Variants in ZNF385D observed in about 807,000 individuals in gnomAD.
ZNF385D encodes zinc finger protein 659.
ZNF385D carries 15 observed loss-of-function variants against 35.8 expected under a neutral mutation model. The ratio of observed to expected loss-of-function variants is 0.42; its 90% confidence interval spans 0.28 to 0.64. The LOEUF (loss-of-function observed/expected upper bound fraction) is 0.64, where lower values mean the gene tolerates loss of function less well. ZNF385D is among the 30% of genes least tolerant of loss of function. The probability of loss-of-function intolerance (pLI) is 0.23; values close to 1 mark genes in which losing one functional copy is unlikely to be tolerated. For missense variants in ZNF385D, 474 were observed against 494.6 expected (o/e 0.96, Z 0.39); for synonymous variants, 212 against 186.8 (o/e 1.13, Z -1.10).
At position 21,489,037 on chromosome 3, in the gene ZNF385D, C is replaced by T. The variant is rs548911812; in HGVS notation, c.439+21824G>A. Among the ~76,000 whole-genome samples, 12 of 152,094 alleles carry T rather than the reference C, an allele frequency of 7.9e-5. No homozygotes were observed. The East Asian group carries it at 2.3e-3, about 29-fold the overall frequency. On this transcript the variant is annotated intron_variant, in intron 4 of 7. Coordinates refer to ENST00000281523, the MANE Select transcript of ZNF385D (RefSeq NM_024697.3). ...TGATGAAAGCTCACTGGTTAACAGC[C>T]GAAGAATGCCATTTAATGCTCTCTT... is the stretch of plus-strand genomic sequence containing the variant.
intron 3 of ZNF385D, among the ~76,000 whole-genome samples, chr3:21,849,020 G>A (rs1696200456): frequency 6.6e-6 from 1 of 152,016 alleles, no homozygotes; most frequent in Non-Finnish European, 1.5e-5. Flanking sequence ...TATCAACAGT[G>A]TAAGCACTAC....
intron 1 of ZNF385D, among the ~76,000 whole-genome samples, chr3:21,684,390 CT>C (rs1292750996): frequency 2.3e-5 from 2 of 86,910 alleles, no homozygotes; most frequent in African/African-American, 1.1e-4. Context: ...CTCTCTCTCT[CT>C]CTCTCTCTCT....
intron 3 of ZNF385D, among the ~76,000 whole-genome samples, chr3:22,139,582 A>G (rs1704368561): frequency 6.9e-6 from 1 of 144,040 alleles, no homozygotes; most frequent in Admixed American, 7.0e-5. Context: ...ACATGGACAC[A>G]GGAAGGGGAA....
intron 3 of ZNF385D, among the ~76,000 whole-genome samples, chr3:21,825,240 G>C (rs1366595035): frequency 6.6e-6 from 1 of 152,158 alleles, no homozygotes; most frequent in Admixed American, 6.5e-5. Flanking sequence ...AGGGACTTGA[G>C]ATCCAGGTGA....
At chr3:22,035,588 TGTCATAATG>T (rs1698263117) in intron 3 of ZNF385D, among the ~76,000 whole-genome samples, 1 of 152,176 alleles carries the variant, frequency 6.6e-6, no homozygotes, top group Non-Finnish European at 1.5e-5. Context: ...TTTGATGAAT[TGTCATAATG>T]GTAGAAATGT....
rs565446759 is a variant in ZNF385D, at chr3:22,222,007, C to T, written c.107-52972G>A. Among the ~76,000 whole-genome samples the T allele has an allele frequency of 9.2e-5, 14 of 151,896 alleles. No homozygotes were observed. In the East Asian group the frequency reaches 1.9e-3, roughly 21 times the overall value. On this transcript the variant is annotated intron_variant, in intron 2 of 5. Coordinates refer to the ZNF385D transcript ENST00000494108. ...CCGATTTTTTTTTTTAAGACAGTCTCATTCCATCGTCCAGGCTGGAGTGCA... is the reference window on the plus strand; with the variant it reads ...CCGATTTTTTTTTTTAAGACAGTCTTATTCCATCGTCCAGGCTGGAGTGCA...
intron 3 of ZNF385D, among the ~76,000 whole-genome samples, chr3:22,007,679 G>C (rs1363173246): frequency 6.6e-6 from 1 of 152,120 alleles, no homozygotes; most frequent in African/African-American, 2.4e-5. Context: ...TTGCTAATCT[G>C]ATAAGTGAGA....
In ZNF385D at chr3:21,922,596, T is replaced by G. The variant is rs78411225; in HGVS notation, c.325+246221A>C. 5.0e-3 allele frequency among the ~76,000 whole-genome samples: 760 copies of G among 152,280 alleles called. 4 individuals carry two copies. Among genetic ancestry groups the G allele is most frequent in the Middle Eastern group, 0.017 (5 of 294 alleles). ...GGCTAGCTAGTCATAGGCAGAAGAA[T>G]AAAACTGGACCCCTTCCTTTTACCA... On this transcript the variant is annotated intron_variant, in intron 3 of 5. Coordinates refer to the ZNF385D transcript ENST00000494108.
intron 4 of ZNF385D, among the ~76,000 whole-genome samples, chr3:21,502,665 C>T (rs1295159812): frequency 6.6e-6 from 1 of 152,102 alleles, no homozygotes; most frequent in East Asian, 1.9e-4. Context: ...ATCCTAGAAC[C>T]ACAATATTCA....
At chr3:21,702,482 C>A (rs542503014) in intron 1 of ZNF385D, among the ~76,000 whole-genome samples, 1 of 152,334 alleles carries the variant, frequency 6.6e-6, no homozygotes, top group South Asian at 2.1e-4. Context: ...GTGAAGGTCT[C>A]TGACATGGCC....
chr3:21,714,099 G>A (rs938904645), intron 1 of ZNF385D, among the ~76,000 whole-genome samples: 4 of 152,090 alleles, frequency 2.6e-5, no homozygotes, highest in African/African-American at 9.7e-5. Flanking sequence ...ATTTAAATCT[G>A]TGCCTACTCC....
chr3:22,172,303 A>G (rs949134649), intron 2 of ZNF385D, among the ~76,000 whole-genome samples: 1 of 152,240 alleles, frequency 6.6e-6, no homozygotes, highest in Non-Finnish European at 1.5e-5. Context: ...TTAATTTTCT[A>G]GATGTGGATA....
At chr3:21,683,571 C>T (rs1313637414) in intron 1 of ZNF385D, among the ~76,000 whole-genome samples, 5 of 149,194 alleles carry the variant, frequency 3.4e-5, no homozygotes, top group East Asian at 2.0e-4. Context: ...GAGCCGAGAT[C>T]GCACCACTGC....
At chr3:21,700,523 T>G (rs1256270346) in intron 1 of ZNF385D, among the ~76,000 whole-genome samples, 3 of 152,158 alleles carry the variant, frequency 2.0e-5, no homozygotes, top group Non-Finnish European at 4.4e-5. Context: ...TAACCCATCT[T>G]TAGGGATTAC....
chr3:22,034,778 A>G (rs1698210327), intron 3 of ZNF385D, among the ~76,000 whole-genome samples: 2 of 152,166 alleles, frequency 1.3e-5, no homozygotes. Flanking sequence ...ATCATTAGGC[A>G]TGGTAGAACA....
At chr3:21,809,205 T>C (rs547133328) in intron 3 of ZNF385D, among the ~76,000 whole-genome samples, 4 of 152,180 alleles carry the variant, frequency 2.6e-5, no homozygotes, top group South Asian at 4.1e-4. Context: ...TGCTCCAGCA[T>C]GCAATAATAA....
chr3:22,345,385 A>G (rs1240063797), intron 2 of ZNF385D, among the ~76,000 whole-genome samples: 1 of 152,216 alleles, frequency 6.6e-6, no homozygotes, highest in Admixed American at 6.5e-5. Flanking sequence ...GTAATTACTC[A>G]TCTCTTCAAA....
chr3:22,216,606 A>G (rs150898907), intron 2 of ZNF385D, among the ~76,000 whole-genome samples: 1 of 152,148 alleles, frequency 6.6e-6, no homozygotes, highest in African/African-American at 2.4e-5. Flanking sequence ...TAAAAAGTTC[A>G]TAAAAGGGAT....
chr3:21,956,921 G>C (rs1702321167), intron 3 of ZNF385D, among the ~76,000 whole-genome samples: 1 of 151,818 alleles, frequency 6.6e-6, no homozygotes, highest in Non-Finnish European at 1.5e-5. Context: ...ATATAGTTTG[G>C]CTGTGTCCCC....
Sources: gnomAD v4.1 joint callset for allele counts (sites outside exome capture counted in the v4.1 genomes callset) on GRCh38, gnomAD v4.1.1 for gene constraint, MANE v1.5 for transcripts, NCBI Gene and HGNC (gene_info 2026-07-23, HGNC 2026-07-21) for gene names.